The following APP variants were observed in gnomAD, a reference collection of about 807,000 sequenced individuals.
The protein encoded by APP is amyloid-beta precursor protein.
APP carries 31 observed loss-of-function variants against 101.4 expected under a neutral mutation model. The ratio of observed to expected loss-of-function variants is 0.31; its 90% CI spans 0.23 to 0.41. APP has a LOEUF of 0.41. APP is among the 10% of genes least tolerant of loss of function. The probability of loss-of-function intolerance (pLI) is 1.00; values close to 1 mark genes in which losing one functional copy is unlikely to be tolerated. For synonymous variants in APP, 366 were observed against 364.4 expected (o/e 1.00, Z -0.05); for missense variants, 839 against 1,003.7 (o/e 0.84, Z 2.22).
At chr21:26,158,518 T>C (rs1466817630) in intron 1 of APP, among the ~76,000 whole-genome samples, 1 of 152,308 alleles carries the variant, frequency 6.6e-6, no homozygotes, top group Admixed American at 6.5e-5. Context: ...GAGGTGTCAC[T>C]ATCTGGCCCA....
intron 5 of APP, among the ~76,000 whole-genome samples, chr21:26,030,412 T>G (rs900454762): frequency 6.6e-6 from 1 of 152,194 alleles, no homozygotes; most frequent in African/African-American, 2.4e-5. Context: ...TCATCTGGAC[T>G]CTGTAGAAAA....
chr21:26,036,851 A>G (rs559526061), intron 5 of APP, among the ~76,000 whole-genome samples: 1 of 152,338 alleles, frequency 6.6e-6, no homozygotes, highest in Admixed American at 6.5e-5. Flanking sequence ...CTAAAGGAAG[A>G]GAAATCAGTA....
intron 1 of APP, among the ~76,000 whole-genome samples, chr21:26,156,728 C>T (rs2063382376): frequency 6.6e-6 from 1 of 151,912 alleles, no homozygotes; most frequent in Non-Finnish European, 1.5e-5. Context: ...TTTTTAGAAC[C>T]AAGTTTCTCA....
intron 11 of APP, among the ~76,000 whole-genome samples, chr21:25,968,322 C>CTTTTT (rs34021818): frequency 1.1e-4 from 13 of 113,856 alleles, no homozygotes; most frequent in South Asian, 3.0e-4. Flanking sequence ...TTAAAAAAAT[C>CTTTTT]TTTTTTTTTT....
At chr21:26,091,969 G>C (rs182457773) in intron 2 of APP, among the ~76,000 whole-genome samples, 148 of 152,250 alleles carry the variant, frequency 9.7e-4, no homozygotes, top group African/African-American at 3.4e-3. Context: ...AATTGTCCAT[G>C]ACATTCAGAG....
At chr21:26,074,676 G>C (rs556187545) in intron 3 of APP, among the ~76,000 whole-genome samples, 5 of 152,152 alleles carry the variant, frequency 3.3e-5, no homozygotes, top group African/African-American at 1.2e-4. Context: ...GCTTGAACCC[G>C]GGAGGCGGAG....
At chr21:26,072,985 A>G (rs1001014814) in intron 3 of APP, among the ~76,000 whole-genome samples, 2 of 152,184 alleles carry the variant, frequency 1.3e-5, no homozygotes, top group African/African-American at 4.8e-5. Flanking sequence ...ATCTTAGAAG[A>G]AATATTCCAT....
At chr21:25,974,864 A>G (rs189887595) in intron 11 of APP, among the ~76,000 whole-genome samples, 1 of 152,232 alleles carries the variant, frequency 6.6e-6, no homozygotes. Context: ...AAGTGTGAGT[A>G]CCTGCTGTGT....
intron 6 of APP, among the ~76,000 whole-genome samples, chr21:26,012,974 TCAACAAAACAAAACA>T (rs2146735305): frequency 9.3e-6 from 1 of 107,408 alleles, no homozygotes; most frequent in South Asian, 3.3e-4. Context: ...AGACTCCATG[TCAACAAAACAAAACA>T]AAACAAAACA....
chr21:26,081,758 C>A (rs1264250533), intron 3 of APP, among the ~76,000 whole-genome samples: 1 of 152,160 alleles, frequency 6.6e-6, no homozygotes, highest in African/African-American at 2.4e-5. Flanking sequence ...CTCCTTAATG[C>A]TCATTACCCA....
chr21:25,932,748 A>C (rs1255656372), intron 13 of APP, among the ~76,000 whole-genome samples: 2 of 151,998 alleles, frequency 1.3e-5, no homozygotes, highest in Non-Finnish European at 2.9e-5. Flanking sequence ...AAAAAAAAAA[A>C]CACATTTCAT....
At chr21:26,057,473 CCACACACACACA>C (rs71855086) in intron 3 of APP, among the ~76,000 whole-genome samples, 3 of 149,066 alleles carry the variant, frequency 2.0e-5, no homozygotes, top group African/African-American at 7.3e-5. Context: ...ATGTCACACA[CCACACACACACA>C]CACACACACA....
At chr21:26,082,871 T>C (rs1355215515) in intron 3 of APP, among the ~76,000 whole-genome samples, 3 of 152,236 alleles carry the variant, frequency 2.0e-5, no homozygotes, top group Non-Finnish European at 4.4e-5. Flanking sequence ...TGACCTTTTA[T>C]TGGTCAATTT....
chr21:26,019,861 T>C (rs1265451270), intron 6 of APP, among the ~76,000 whole-genome samples: 23 of 152,360 alleles, frequency 1.5e-4, no homozygotes, highest in Non-Finnish European at 7.3e-5. Flanking sequence ...AGATCTGCCA[T>C]AGTTGGTCCT....
intron 11 of APP, among the ~76,000 whole-genome samples, chr21:25,958,432 A>G (rs1000533150): frequency 1.3e-5 from 2 of 152,212 alleles, no homozygotes; most frequent in Non-Finnish European, 1.5e-5. Context: ...ACGTGCCACC[A>G]TGCTCAGCTA....
At chr21:25,993,368 C>T (rs1568823308) in intron 8 of APP, among the ~76,000 whole-genome samples, 1 of 152,138 alleles carries the variant, frequency 6.6e-6, no homozygotes, top group Admixed American at 6.5e-5. Flanking sequence ...GATGGTTGTC[C>T]TCCAGCATAT....
intron 13 of APP, among the ~76,000 whole-genome samples, chr21:25,927,490 A>C (rs1437453097): frequency 6.6e-6 from 1 of 152,218 alleles, no homozygotes; most frequent in Non-Finnish European, 1.5e-5. Context: ...ATGCTGTACC[A>C]CAAATCCAGT....
intron 11 of APP, among the ~76,000 whole-genome samples, chr21:25,960,138 C>A (rs1342655623): frequency 2.0e-5 from 3 of 152,100 alleles, no homozygotes; most frequent in Non-Finnish European, 4.4e-5. Flanking sequence ...AACTTATATG[C>A]CTTCTAAGCT....
At chr21:26,131,626 A>C (rs2146275447) in intron 1 of APP, among the ~76,000 whole-genome samples, 1 of 152,358 alleles carries the variant, frequency 6.6e-6, no homozygotes. Context: ...AATACTTGAG[A>C]AATGTCCAGT....
Sources: gnomAD v4.1 joint callset for allele counts (sites outside exome capture counted in the v4.1 genomes callset) on GRCh38, gnomAD v4.1.1 for gene constraint, MANE v1.5 for transcripts, NCBI Gene and HGNC (gene_info 2026-07-23, HGNC 2026-07-21) for gene names.